INTS9: variants seen among roughly 807,000 people sequenced by gnomAD.
INTS9 encodes protein related to CPSF subunits of 74 kDa.
INTS9 carries 55 observed loss-of-function variants against 79.7 expected under a neutral mutation model. That is an observed-to-expected ratio of 0.69 (90% CI 0.56 to 0.86). The LOEUF (loss-of-function observed/expected upper bound fraction) is 0.86. INTS9 is among the 40% of genes least tolerant of loss of function. The pLI is 0.00. For missense variants in INTS9, 721 were observed against 831.5 expected (o/e 0.87, Z 1.64); for synonymous variants, 319 against 325.2 (o/e 0.98, Z 0.20).
Position 28,813,556 on chromosome 8 carries a change from T to C in INTS9, c.545A>G (p.Tyr182Cys), listed in dbSNP as rs147669870. The change falls in exon 7 of 17, where the codon TAT becomes TGT. Residue 182 changes from tyrosine (Y) to cysteine (C), a missense_variant. Tyr to Cys is a radical substitution (Grantham distance 194). Coordinates refer to ENST00000521022, the MANE Select transcript of INTS9 (RefSeq NM_018250.4). ...AVEVSTWRRC[Y>C]TMQEVNSALS... ...GGCAGAGTTCACCTCTTGCATTGTA[T>C]AGCATCTTCTCCAGGTTGAGACTTC... 54 of 1,613,716 alleles carry C rather than the reference T, an allele frequency of 3.3e-5. No homozygotes were observed. In the African/African-American group the frequency reaches 3.6e-4, roughly 11 times the overall value.
intron 11 of INTS9, among the ~76,000 whole-genome samples, chr8:28,787,391 G>A (rs1179644846): frequency 6.6e-6 from 1 of 152,210 alleles, no homozygotes; most frequent in East Asian, 1.9e-4. Flanking sequence ...TCATCATGCA[G>A]TCAGTAGAAC....
intron 6 of INTS9, among the ~76,000 whole-genome samples, chr8:28,831,555 T>A (rs935184238): frequency 6.6e-6 from 1 of 152,134 alleles, no homozygotes; most frequent in Admixed American, 6.5e-5. Flanking sequence ...ATTCATACTC[T>A]CCGTAATGTA....
intron 4 of INTS9, among the ~76,000 whole-genome samples, chr8:28,845,486 T>G (rs1036484573): frequency 6.6e-6 from 1 of 152,134 alleles, no homozygotes; most frequent in African/African-American, 2.4e-5. Context: ...AAATGAACTG[T>G]GGAATGGTAA....
At chr8:28,770,606 A>G (rs894735822) in intron 15 of INTS9, among the ~76,000 whole-genome samples, 25 of 152,252 alleles carry the variant, frequency 1.6e-4, no homozygotes, top group Admixed American at 7.2e-4. Context: ...CTTAAGACAC[A>G]GTGCCTGCCC....
rs112921124 is a variant in INTS9, at chr8:28,878,641, T to TA, written c.9+11232dup. Among the ~76,000 whole-genome samples the TA allele has an allele frequency of 4.4e-3, 607 of 136,632 alleles. 9 individuals are homozygous for TA. In the East Asian group the frequency reaches 0.055, roughly 12 times the overall value. 89.6% of individuals were successfully genotyped at this position (136,632 alleles called of 152,430 possible). On this transcript the variant is annotated intron_variant, in intron 1 of 16. Transcript: ENST00000521022. Reference sequence around the variant, plus strand: ...CTGGCCTTCACTGTTTTTTTTTTTTTAAAAAAAAAACAAAACAAAAAACTC... The same window carrying TA: ...CTGGCCTTCACTGTTTTTTTTTTTTTAAAAAAAAAAACAAAACAAAAAACTC...
chr8:28,875,802 G>C (rs1460674569), intron 1 of INTS9, among the ~76,000 whole-genome samples: 1 of 152,172 alleles, frequency 6.6e-6, no homozygotes, highest in Non-Finnish European at 1.5e-5. Context: ...CTGATAGGTA[G>C]GATCTATGTC....
chr8:28,854,336 T>C (rs1300441237), intron 2 of INTS9, among the ~76,000 whole-genome samples: 1 of 152,152 alleles, frequency 6.6e-6, no homozygotes, highest in Non-Finnish European at 1.5e-5. Context: ...GAGTTTGCAA[T>C]CTAGTATAGG....
At chr8:28,804,841 CA>C (rs1804718992) in intron 8 of INTS9, among the ~76,000 whole-genome samples, 1 of 152,052 alleles carries the variant, frequency 6.6e-6, no homozygotes, top group South Asian at 2.1e-4. Flanking sequence ...ATACTGTGAA[CA>C]AAAGTATAGT....
At chr8:28,841,607 CAG>C (rs1807188765) in intron 4 of INTS9, among the ~76,000 whole-genome samples, 1 of 152,170 alleles carries the variant, frequency 6.6e-6, no homozygotes, top group African/African-American at 2.4e-5. Context: ...TTGACCAACA[CAG>C]GGGTCAGGGG....
chr8:28,883,057 G>GT (rs931804866), intron 1 of INTS9, among the ~76,000 whole-genome samples: 5 of 152,036 alleles, frequency 3.3e-5, no homozygotes, highest in Admixed American at 3.3e-4. Context: ...TTTCTGGCAC[G>GT]TACCCCTTTC....
At chr8:28,790,288 G>A (rs1305212332) in intron 10 of INTS9, among the ~76,000 whole-genome samples, 1 of 152,194 alleles carries the variant, frequency 6.6e-6, no homozygotes, top group African/African-American at 2.4e-5. Flanking sequence ...GACTTGCTAA[G>A]TTAATGCAAG....
intron 2 of INTS9, among the ~76,000 whole-genome samples, chr8:28,851,087 G>A (rs1266456964): frequency 2.6e-5 from 4 of 152,208 alleles, no homozygotes; most frequent in Admixed American, 2.6e-4. Context: ...AGAAGGCAAT[G>A]TGTGAAGAAA....
intron 8 of INTS9, 133 bp downstream of exon 8, chr8:28,812,194 T>G: frequency 2.3e-6 from 2 of 878,648 alleles, no homozygotes; most frequent in Admixed American, 4.9e-5. Flanking sequence ...TCAAATAGTC[T>G]ACCTTGGCTA....
intron 1 of INTS9, among the ~76,000 whole-genome samples, chr8:28,875,134 C>T (rs1191603687): frequency 6.6e-6 from 1 of 152,188 alleles, no homozygotes; most frequent in Non-Finnish European, 1.5e-5. Context: ...ATCCCTCCCA[C>T]AACACGTGGG....
intron 14 of INTS9, among the ~76,000 whole-genome samples, chr8:28,771,646 G>T (rs1348882801): frequency 6.6e-6 from 1 of 152,244 alleles, no homozygotes; most frequent in Non-Finnish European, 1.5e-5. Flanking sequence ...TTGGCAAGTG[G>T]TACGTGAGGC....
chr8:28,790,361 T>C (rs1803853502), intron 10 of INTS9, among the ~76,000 whole-genome samples: 1 of 152,188 alleles, frequency 6.6e-6, no homozygotes, highest in Non-Finnish European at 1.5e-5. Flanking sequence ...AAGGGTGCCT[T>C]ACAGCAAGGC....
At chr8:28,811,764 C>T (rs1362335055) in intron 8 of INTS9, among the ~76,000 whole-genome samples, 1 of 152,152 alleles carries the variant, frequency 6.6e-6, no homozygotes, top group East Asian at 1.9e-4. Flanking sequence ...TGAGATCTTC[C>T]CATTGGCTTT....
At chr8:28,786,215 T>C (rs963960083) in intron 11 of INTS9, among the ~76,000 whole-genome samples, 1 of 152,226 alleles carries the variant, frequency 6.6e-6, no homozygotes, top group Non-Finnish European at 1.5e-5. Context: ...TGTGTGAGTA[T>C]ACCACAAAAT....
At chr8:28,888,909 CTT>C (rs879643874) in intron 1 of INTS9, among the ~76,000 whole-genome samples, 1 of 146,396 alleles carries the variant, frequency 6.8e-6, no homozygotes. Context: ...AAAAAATAAA[CTT>C]TTTTTTTTTT....
Sources: gnomAD v4.1 joint callset for allele counts (sites outside exome capture counted in the v4.1 genomes callset) on GRCh38, gnomAD v4.1.1 for gene constraint, MANE v1.5 for transcripts, NCBI Gene and HGNC (gene_info 2026-07-23, HGNC 2026-07-21) for gene names.